SDK1: variants seen among roughly 807,000 people sequenced by gnomAD.
The protein encoded by SDK1 is protein sidekick-1.
A neutral mutation model predicts 245.5 loss-of-function variants in SDK1; 157 were observed. That is an observed-to-expected ratio of 0.64 (90% CI 0.56 to 0.73). The LOEUF (loss-of-function observed/expected upper bound fraction) is 0.73, where lower values mean the gene tolerates loss of function less well. SDK1 is among the 30% of genes least tolerant of loss of function. The pLI is 0.00. For missense variants in SDK1, 3,583 were observed against 3,002.3 expected (o/e 1.19, Z -4.52); for synonymous variants, 1,647 against 1,278.5 (o/e 1.29, Z -6.15).
chr7:3,856,175 G>T (rs1345993921), intron 5 of SDK1, among the ~76,000 whole-genome samples: 1 of 152,106 alleles, frequency 6.6e-6, no homozygotes, highest in African/African-American at 2.4e-5. Context: ...TATGCTTATT[G>T]ATTCAGTCTA....
rs1011386203 is a variant in SDK1 at position 3,707,260 on chromosome 7, A to T, written c.713+65155A>T. ...AGTTTTGATAACTTGTGTCACTGTT[A>T]TTTATTTCAAAGAATTTTTAAATTT... On this transcript the variant is annotated intron_variant, in intron 4 of 44. Transcript: ENST00000404826. 5.9e-5 allele frequency among the ~76,000 whole-genome samples: 9 copies of T among 152,132 alleles called. No individual in the cohort carries two copies. The South Asian group carries it at 1.9e-3, about 32-fold the overall frequency.
intron 5 of SDK1, among the ~76,000 whole-genome samples, chr7:3,877,711 A>G (rs972843158): frequency 6.6e-6 from 1 of 152,224 alleles, no homozygotes; most frequent in Non-Finnish European, 1.5e-5. Context: ...TTTTTTTTCT[A>G]TGAAAATATG....
intron 1 of SDK1, among the ~76,000 whole-genome samples, chr7:3,536,256 C>A (rs1029563340): frequency 6.6e-6 from 1 of 151,120 alleles, no homozygotes; most frequent in Non-Finnish European, 1.5e-5. Context: ...TTACTAGAGA[C>A]GGGGTTGCAC....
chr7:3,919,853 C>T (rs1029140869), intron 5 of SDK1, among the ~76,000 whole-genome samples: 2 of 152,154 alleles, frequency 1.3e-5, no homozygotes, highest in Non-Finnish European at 2.9e-5. Flanking sequence ...AGACTTGGAC[C>T]TCAGGGAGGT....
intron 5 of SDK1, among the ~76,000 whole-genome samples, chr7:3,860,373 G>A (rs908199130): frequency 6.6e-6 from 1 of 152,188 alleles, no homozygotes; most frequent in Non-Finnish European, 1.5e-5. Flanking sequence ...CAAGAAGGTT[G>A]ATAGGTGATG....
intron 1 of SDK1, among the ~76,000 whole-genome samples, chr7:3,593,380 A>C (rs897606275): frequency 1.3e-5 from 2 of 152,166 alleles, no homozygotes; most frequent in Non-Finnish European, 2.9e-5. Flanking sequence ...TGTGATGCAC[A>C]TGAGCTTCAC....
chr7:3,723,104 G>A (rs1349855981), intron 4 of SDK1, among the ~76,000 whole-genome samples: 1 of 152,230 alleles, frequency 6.6e-6, no homozygotes, highest in African/African-American at 2.4e-5. Flanking sequence ...AAGAATGTGT[G>A]AGTCCATATA....
intron 1 of SDK1, among the ~76,000 whole-genome samples, chr7:3,577,671 G>C (rs1348167025): frequency 1.3e-5 from 2 of 152,022 alleles, no homozygotes; most frequent in Non-Finnish European, 2.9e-5. Flanking sequence ...ATGTCTGTTA[G>C]GTTAAATTAC....
At chr7:4,201,016 T>C (rs1170610477) in intron 35 of SDK1, among the ~76,000 whole-genome samples, 2 of 152,218 alleles carry the variant, frequency 1.3e-5, no homozygotes, top group Non-Finnish European at 2.9e-5. Flanking sequence ...CTGAAGCTCC[T>C]GGTGGGCAGG....
chr7:4,011,953 T>C, intron 15 of SDK1, 142 bp from the exon 16 acceptor site: 2 of 590,266 alleles, frequency 3.4e-6, no homozygotes, highest in South Asian at 3.7e-5. Flanking sequence ...TTCAGTTTCA[T>C]TGGCTGTGTG....
chr7:3,981,154 T>C (rs1180902064), intron 13 of SDK1, among the ~76,000 whole-genome samples: 1 of 152,190 alleles, frequency 6.6e-6, no homozygotes, highest in Non-Finnish European at 1.5e-5. Flanking sequence ...ATTCTCACAA[T>C]GTTTCAAACT....
At chr7:3,529,008 AGTT>A (rs1316380781) in intron 1 of SDK1, among the ~76,000 whole-genome samples, 1 of 152,136 alleles carries the variant, frequency 6.6e-6, no homozygotes, top group East Asian at 1.9e-4. Context: ...ATGAGTGGTA[AGTT>A]GTTTACATGC....
chr7:4,143,686 A>G (rs972199355), intron 28 of SDK1, among the ~76,000 whole-genome samples: 3 of 152,182 alleles, frequency 2.0e-5, no homozygotes, highest in Non-Finnish European at 2.9e-5. Context: ...GTTCCGAGCA[A>G]CGGGGACCTG....
At chr7:3,514,860 G>A (rs983813674) in intron 1 of SDK1, among the ~76,000 whole-genome samples, 1 of 150,808 alleles carries the variant, frequency 6.6e-6, no homozygotes, top group Non-Finnish European at 1.5e-5. Flanking sequence ...GCCCCATCAC[G>A]CGTGCATGCG....
intron 1 of SDK1, among the ~76,000 whole-genome samples, chr7:3,477,516 C>CT (rs575753517): frequency 0.011 from 1,464 of 134,480 alleles, 8 homozygotes; most frequent in East Asian, 0.05. Context: ...TTTCTTTTTT[C>CT]TTTTTTTTTT....
chr7:3,603,666 C>A (rs925119462), intron 1 of SDK1, among the ~76,000 whole-genome samples: 7 of 152,096 alleles, frequency 4.6e-5, no homozygotes, highest in Non-Finnish European at 8.8e-5. Context: ...TAATTGAATA[C>A]CCTTTGTTTC....
At chr7:3,841,157 G>A (rs969927755) in intron 5 of SDK1, among the ~76,000 whole-genome samples, 18 of 152,072 alleles carry the variant, frequency 1.2e-4, no homozygotes, top group Non-Finnish European at 2.5e-4. Context: ...CTCTTTCCTC[G>A]TACCACATGC....
intron 4 of SDK1, among the ~76,000 whole-genome samples, chr7:3,646,528 ATTAC>A: frequency 6.6e-6 from 1 of 152,294 alleles, no homozygotes; most frequent in South Asian, 2.1e-4. Context: ...TGGATGTTAA[ATTAC>A]TTACCCCAGG....
rs147843171 is a variant in SDK1, at chr7:3,360,319, T to A, written c.298+58435T>A. Among the ~76,000 whole-genome samples, 4 of 152,350 alleles carry A rather than the reference T, an allele frequency of 2.6e-5. No individual in the cohort carries two copies. The East Asian group carries it at 7.7e-4, about 29-fold the overall frequency. ...TCTGTTGAATGAAGCTCTTAAGTTA[T>A]CTAGATTTTAGGAACTACTGGGGCA... On this transcript the variant is annotated intron_variant, in intron 1 of 44. Coordinates refer to ENST00000404826, the MANE Select transcript of SDK1 (RefSeq NM_152744.4).
Sources: gnomAD v4.1 joint callset for allele counts (sites outside exome capture counted in the v4.1 genomes callset) on GRCh38, gnomAD v4.1.1 for gene constraint, MANE v1.5 for transcripts, NCBI Gene and HGNC (gene_info 2026-07-23, HGNC 2026-07-21) for gene names.